Variants in TOM1L2 observed in about 807,000 individuals in gnomAD.
TOM1L2 encodes target of myb1 like 2 membrane trafficking protein.
A neutral mutation model predicts 67.9 loss-of-function variants in TOM1L2; 31 were observed. That is an observed-to-expected ratio of 0.46 (90% CI 0.34 to 0.62). The LOEUF (loss-of-function observed/expected upper bound fraction) is 0.62. TOM1L2 is among the 20% of genes least tolerant of loss of function. The probability of loss-of-function intolerance (pLI) is 0.01; values close to 1 mark genes in which losing one functional copy is unlikely to be tolerated. For synonymous variants in TOM1L2, 256 were observed against 254.0 expected, an observed-to-expected ratio of 1.01 and a Z score of -0.07; for missense variants, 606 against 663.5, an observed-to-expected ratio of 0.91 and a Z score of 0.95.
At chr17:17,895,671 A>C (rs2038533026) in intron 3 of TOM1L2, among the ~76,000 whole-genome samples, 1 of 152,200 alleles carries the variant, frequency 6.6e-6, no homozygotes, top group African/African-American at 2.4e-5. Flanking sequence ...CTGGAGCCCC[A>C]GTCTCCTCGC....
intron 4 of TOM1L2, among the ~76,000 whole-genome samples, chr17:17,887,817 G>T (rs2038076276): frequency 6.6e-6 from 1 of 152,144 alleles, no homozygotes; most frequent in Non-Finnish European, 1.5e-5. Flanking sequence ...TCTCACCCGT[G>T]TACAGAGAAG....
intron 1 of TOM1L2, among the ~76,000 whole-genome samples, chr17:17,947,233 A>G (rs2040991080): frequency 6.6e-6 from 1 of 151,940 alleles, no homozygotes; most frequent in South Asian, 2.1e-4. Context: ...TATATTGCCC[A>G]TGCTGGTCTT....
chr17:17,954,891 A>G (rs1325037130), intron 1 of TOM1L2, among the ~76,000 whole-genome samples: 2 of 152,250 alleles, frequency 1.3e-5, no homozygotes, highest in African/African-American at 4.8e-5. Flanking sequence ...CTACGCTCTA[A>G]GGCCAAGAGA....
intron 1 of TOM1L2, among the ~76,000 whole-genome samples, chr17:17,954,361 A>G (rs1350437485): frequency 1.4e-5 from 2 of 142,534 alleles, no homozygotes; most frequent in Non-Finnish European, 3.0e-5. Flanking sequence ...CACCCAGGCT[A>G]GAGTGCAATG....
chr17:17,862,883 ACAAAAT>A (rs2143731643), intron 10 of TOM1L2, 35 bp from the exon 11 acceptor site: 1 of 1,580,502 alleles, frequency 6.3e-7, no homozygotes, highest in East Asian at 2.2e-5. Flanking sequence ...GCAGATGAGA[ACAAAAT>A]GTAGACTGTA....
chr17:17,970,926 G>T (rs2042046956), intron 1 of TOM1L2, among the ~76,000 whole-genome samples: 1 of 152,164 alleles, frequency 6.6e-6, no homozygotes, highest in South Asian at 2.1e-4. Flanking sequence ...AAACTAATCA[G>T]CATTCTTGAC....
At chr17:17,869,727 G>C in intron 7 of TOM1L2, 6 of 1,171,026 alleles carry the variant, frequency 5.1e-6, no homozygotes, top group Non-Finnish European at 6.4e-6. Flanking sequence ...GTACATGCTT[G>C]TACAAATCAT....
intron 1 of TOM1L2, among the ~76,000 whole-genome samples, chr17:17,958,534 A>G (rs994410516): frequency 1.3e-5 from 2 of 152,218 alleles, no homozygotes; most frequent in Non-Finnish European, 2.9e-5. Context: ...TTAAAATGAC[A>G]GACTTACTAC....
intron 1 of TOM1L2, among the ~76,000 whole-genome samples, chr17:17,960,219 A>C (rs1391073612): frequency 6.6e-6 from 1 of 152,228 alleles, no homozygotes; most frequent in African/African-American, 2.4e-5. Context: ...TCAATCCCAC[A>C]AACAATACTA....
chr17:17,931,736 T>G (rs2040344433), intron 1 of TOM1L2, among the ~76,000 whole-genome samples: 1 of 152,224 alleles, frequency 6.6e-6, no homozygotes, highest in Admixed American at 6.5e-5. Context: ...AGATCCAGGT[T>G]CAGAACGCAA....
chr17:17,968,032 G>C (rs1357444062), intron 1 of TOM1L2, among the ~76,000 whole-genome samples: 1 of 152,170 alleles, frequency 6.6e-6, no homozygotes, highest in African/African-American at 2.4e-5. Flanking sequence ...AACTTGAGAT[G>C]AACACGCTAA....
At chr17:17,863,563 CT>C (rs11334951) in intron 10 of TOM1L2, among the ~76,000 whole-genome samples, 68,484 of 130,574 alleles carry the variant, frequency 0.52, 18,376 homozygotes, top group Non-Finnish European at 0.62. Flanking sequence ...AGACACTAGA[CT>C]TTTTTTTTTT....
Position 17,843,711 on chromosome 17 carries a change from A to G in TOM1L2, c.*3924T>C, listed in dbSNP as rs1480277038. The G allele has an allele frequency of 1.3e-5, 2 of 152,472 alleles. No homozygotes were observed. The highest frequency in any genetic ancestry group is 2.1e-4 in the South Asian group (1 of 4,836). The allele number at this position is 152,472 out of a possible 1,614,324, so 9.4% of individuals were successfully genotyped here. Reference sequence around the variant, plus strand: ...AACTTCTAGGACGAGTGGACAGCAAACGCGACATTCAACACATTCCTCTTT... The same window carrying G: ...AACTTCTAGGACGAGTGGACAGCAAGCGCGACATTCAACACATTCCTCTTT... On this transcript the variant is annotated 3_prime_UTR_variant, in exon 15 of 15. Transcript: ENST00000379504.
intron 1 of TOM1L2, among the ~76,000 whole-genome samples, chr17:17,917,682 G>A (rs1392358974): frequency 1.8e-5 from 2 of 108,540 alleles, no homozygotes; most frequent in Admixed American, 9.3e-5. Flanking sequence ...AGCTTCCCAG[G>A]CCAGCTCATG....
chr17:17,891,457 C>G (rs2038268653), intron 4 of TOM1L2, among the ~76,000 whole-genome samples: 1 of 152,148 alleles, frequency 6.6e-6, no homozygotes, highest in South Asian at 2.1e-4. Flanking sequence ...CAGGCATCCT[C>G]AGGGTAGAGG....
intron 1 of TOM1L2, among the ~76,000 whole-genome samples, chr17:17,930,509 C>A (rs1429261827): frequency 1.3e-5 from 2 of 152,146 alleles, no homozygotes; most frequent in Non-Finnish European, 2.9e-5. Flanking sequence ...CACATCTTGT[C>A]CAAGAGATAA....
At chr17:17,949,726 G>A (rs536023845) in intron 1 of TOM1L2, among the ~76,000 whole-genome samples, 27 of 152,334 alleles carry the variant, frequency 1.8e-4, no homozygotes, top group African/African-American at 6.3e-4. Flanking sequence ...CCGAAAAGGT[G>A]CACAGTCCAG....
chr17:17,920,321 C>T (rs893074766), intron 1 of TOM1L2, among the ~76,000 whole-genome samples: 1 of 150,022 alleles, frequency 6.7e-6, no homozygotes, highest in Admixed American at 6.7e-5. Flanking sequence ...TCACCGTTTC[C>T]GCTAATGTTC....
chr17:17,880,663 G>T (rs1329796865), intron 6 of TOM1L2, among the ~76,000 whole-genome samples: 1 of 152,190 alleles, frequency 6.6e-6, no homozygotes, highest in Non-Finnish European at 1.5e-5. Flanking sequence ...GGGAGCCCTG[G>T]AAGACTCAGC....
Sources: gnomAD v4.1 joint callset for allele counts (sites outside exome capture counted in the v4.1 genomes callset) on GRCh38, gnomAD v4.1.1 for gene constraint, MANE v1.5 for transcripts, NCBI Gene and HGNC (gene_info 2026-07-23, HGNC 2026-07-21) for gene names.